The following NT5E variants were observed in gnomAD, a reference collection of about 807,000 sequenced individuals.
NT5E encodes the protein 5'-nucleotidase ecto.
NT5E carries 53 observed loss-of-function variants against 55.1 expected under a neutral mutation model. The ratio of observed to expected loss-of-function variants is 0.96; its 90% CI spans 0.77 to 1.21. The LOEUF (loss-of-function observed/expected upper bound fraction) is 1.21, where lower values mean the gene tolerates loss of function less well. Among genes scored for constraint, NT5E ranks in the 50% most tolerant of loss-of-function variants. The pLI is 0.00. For missense variants in NT5E, 683 were observed against 724.3 expected, an observed-to-expected ratio of 0.94 and a Z score of 0.65; for synonymous variants, 270 against 278.4, an observed-to-expected ratio of 0.97 and a Z score of 0.30.
intron 2 of NT5E, among the ~76,000 whole-genome samples, chr6:85,467,554 T>C (rs1164027205): frequency 1.3e-5 from 2 of 152,190 alleles, no homozygotes; most frequent in African/African-American, 4.8e-5. Flanking sequence ...GGAGACAATG[T>C]ATAGCCAGTG....
chr6:85,492,120 G>A lies in NT5E; in HGVS notation c.1504G>A (p.Ala502Thr), dbSNP rs746801584. The A allele has an allele frequency of 1.2e-6, 2 of 1,614,160 alleles. No individual in the cohort carries two copies. The highest frequency in any genetic ancestry group is 8.5e-7 in the Non-Finnish European group (1 of 1,180,012). Residue 502 changes from alanine to threonine, a missense_variant, in exon 8 of 9, where the codon GCC (alanine) becomes ACC (threonine). By Grantham distance (58) the Ala-to-Thr change is moderately conservative. Coordinates refer to ENST00000257770, the MANE Select transcript of NT5E (RefSeq NM_002526.4). The part of the protein sequence containing the change: ...VYKVILPNFL[A>T]NGGDGFQMIK... ...TAAGGTGATCCTCCCAAACTTCCTG[G>A]CCAATGGTGGAGATGGGTTCCAGAT...
chr6:85,451,004 A>G (rs1768846487), intron 1 of NT5E, among the ~76,000 whole-genome samples: 3 of 152,232 alleles, frequency 2.0e-5, no homozygotes, highest in Admixed American at 2.0e-4. Flanking sequence ...AGAGTAATTA[A>G]GCTCACAGCT....
Position 85,450,556 on chromosome 6 carries a change from A to C in NT5E, c.339+78A>C. 3 of 1,366,120 alleles carry C rather than the reference A, an allele frequency of 2.2e-6. No homozygotes were observed. 84.6% of individuals were successfully genotyped at this position (1,366,120 alleles called of 1,614,324 possible). On this transcript the variant is annotated intron_variant, in intron 1 of 8. Coordinates refer to ENST00000257770, the MANE Select transcript of NT5E (RefSeq NM_002526.4). The surrounding 1 kb of genome is among the most constrained non-coding windows in gnomAD (Gnocchi z 4.0). Reference sequence around the variant, plus strand: ...GGGCTGGAAAAGCAGCGGATGGCAGAGTGTGGCAAGCCTAGGTCCAGGGCG... The same window carrying C: ...GGGCTGGAAAAGCAGCGGATGGCAGCGTGTGGCAAGCCTAGGTCCAGGGCG...
chr6:85,466,972 C>A, intron 1 of NT5E, 88 bp from the exon 2 acceptor site: 2 of 1,245,834 alleles, frequency 1.6e-6, no homozygotes, highest in Non-Finnish European at 2.3e-6. Context: ...CAATATGTCT[C>A]ATAGAGCTTA....
At chr6:85,466,165 C>T (rs959605842) in intron 1 of NT5E, among the ~76,000 whole-genome samples, 7 of 152,074 alleles carry the variant, frequency 4.6e-5, no homozygotes, top group African/African-American at 1.7e-4. Flanking sequence ...TGGATTCCCT[C>T]CACTCCCCCC....
At chr6:85,457,368 G>A (rs572973350) in intron 1 of NT5E, among the ~76,000 whole-genome samples, 1 of 152,250 alleles carries the variant, frequency 6.6e-6, no homozygotes, top group African/African-American at 2.4e-5. Context: ...CTATAAAATG[G>A]GGGAATTGGA....
chr6:85,466,116 C>T (rs753187939), intron 1 of NT5E, among the ~76,000 whole-genome samples: 32 of 152,124 alleles, frequency 2.1e-4, no homozygotes, highest in Non-Finnish European at 4.0e-4. Context: ...TTCTGGGAAG[C>T]CAGCTGACAT....
chr6:85,484,880 T>C (rs1403754669), intron 3 of NT5E, among the ~76,000 whole-genome samples: 3 of 152,130 alleles, frequency 2.0e-5, no homozygotes, highest in Non-Finnish European at 4.4e-5. Flanking sequence ...AACTACAGTA[T>C]GGTAAAGTGG....
Position 85,467,107 on chromosome 6 carries a change from G to A in NT5E, c.387G>A (p.Glu129=), listed in dbSNP as rs148743555. The A allele has an allele frequency of 6.2e-7, 1 of 1,614,150 alleles. No individual in the cohort carries two copies. The highest frequency in any genetic ancestry group is 1.7e-5 in the Admixed American group (1 of 60,024). The change falls in exon 2 of 9, where the codon GAG becomes GAA. Residue 129 remains glutamate, a synonymous_variant. Coordinates refer to ENST00000257770, the MANE Select transcript of NT5E (RefSeq NM_002526.4). ...ATAATGGTGTGGAAGGACTGATCGA[G>A]CCACTCCTCAAAGAGGCCAAATTTC... ...EFDNGVEGLI[E]PLLKEAKFPI... is the part of the protein sequence containing the mutation.
In NT5E at chr6:85,450,324, C is replaced by T. The variant is rs1768828375; in HGVS notation, c.185C>T (p.Ala62Val). Residue 62 changes from alanine (A) to valine (V), a missense_variant, in exon 1 of 9, where the codon GCT (alanine) becomes GTT (valine). By Grantham distance (64) the Ala-to-Val change is moderately conservative. Coordinates refer to ENST00000257770, the MANE Select transcript of NT5E (RefSeq NM_002526.4). The surrounding 1 kb of genome is among the most constrained non-coding windows in gnomAD (Gnocchi z 4.0). ...GCCAGCCGCTGCATGGGTGGCGTGG[C>T]TCGGCTCTTCACCAAGGTTCAGCAG... Reference protein sequence around the residue: ...VNASRCMGGVARLFTKVQQIR... With the variant: ...VNASRCMGGVVRLFTKVQQIR... 2 of 1,600,202 alleles carry T rather than the reference C, an allele frequency of 1.2e-6. No homozygotes were observed. Among genetic ancestry groups the T allele is most frequent in the African/African-American group, 2.7e-5 (2 of 74,830 alleles).
chr6:85,483,691 AG>A (rs1275668798), intron 3 of NT5E, among the ~76,000 whole-genome samples: 1 of 152,170 alleles, frequency 6.6e-6, no homozygotes, highest in Non-Finnish European at 1.5e-5. Flanking sequence ...TTGAGCTGAA[AG>A]GGGGGCTGCT....
chr6:85,488,364 T>C (rs1368806731), intron 5 of NT5E, among the ~76,000 whole-genome samples: 4 of 152,148 alleles, frequency 2.6e-5, no homozygotes, highest in Non-Finnish European at 5.9e-5. Flanking sequence ...GCCGTGTAAA[T>C]GACAACAATC....
chr6:85,460,254 C>T (rs966291331), intron 1 of NT5E, among the ~76,000 whole-genome samples: 3 of 152,112 alleles, frequency 2.0e-5, no homozygotes, highest in Non-Finnish European at 4.4e-5. Flanking sequence ...AAAACTTGTC[C>T]CTAAGAAGAG....
At chr6:85,464,589 T>G (rs1332257696) in intron 1 of NT5E, among the ~76,000 whole-genome samples, 1 of 151,968 alleles carries the variant, frequency 6.6e-6, no homozygotes, top group Non-Finnish European at 1.5e-5. Flanking sequence ...CTGCTTAGGG[T>G]GTTTACTTCT....
chr6:85,492,079 A>G lies in NT5E; in HGVS notation c.1463A>G (p.Lys488Arg), dbSNP rs751905105. The change falls in exon 8 of 9, where the codon AAA (lysine) becomes AGA (arginine). Residue 488 changes from lysine (K) to arginine (R), a missense_variant. By Grantham distance (26) the Lys-to-Arg change is conservative. Coordinates refer to ENST00000257770, the MANE Select transcript of NT5E (RefSeq NM_002526.4). Reference sequence around the variant, plus strand: ...CGAGTGCCCAGTTATGACCCTCTCAAAATGGACGAGGTATATAAGGTGATC... The same window carrying G: ...CGAGTGCCCAGTTATGACCCTCTCAGAATGGACGAGGTATATAAGGTGATC... The part of the protein sequence containing the change: ...KCRVPSYDPL[K>R]MDEVYKVILP... 1.2e-6 allele frequency: 2 copies of G among 1,614,220 alleles called. No homozygotes were observed. Among genetic ancestry groups the G allele is most frequent in the Non-Finnish European group, 8.5e-7 (1 of 1,180,024 alleles).
chr6:85,480,970 C>G (rs1169333843), intron 3 of NT5E, among the ~76,000 whole-genome samples: 1 of 152,148 alleles, frequency 6.6e-6, no homozygotes, highest in Non-Finnish European at 1.5e-5. Flanking sequence ...TTCATTAGCT[C>G]CCACCCAGCT....
chr6:85,456,137 T>C (rs940783577), intron 1 of NT5E, among the ~76,000 whole-genome samples: 2 of 152,142 alleles, frequency 1.3e-5, no homozygotes, highest in Admixed American at 6.5e-5. Context: ...TAAACCTTCA[T>C]GAAGACCCCT....
Position 85,494,285 on chromosome 6 carries a change from C to G in NT5E, c.*281C>G, listed in dbSNP as rs781676532. The G allele has an allele frequency of 4.9e-6, 2 of 408,846 alleles. No homozygotes were observed. The highest frequency in any genetic ancestry group is 8.8e-6 in the Non-Finnish European group (2 of 228,518). The allele number at this position is 408,846 out of a possible 1,614,324, so 25.3% of individuals were successfully genotyped here. ...ATGAAATTTTACTAACAATTTTAAA[C>G]CATATTTTTCTTCTTCATATCCATT... On this transcript the variant is annotated 3_prime_UTR_variant, in exon 9 of 9. Coordinates refer to ENST00000257770, the MANE Select transcript of NT5E (RefSeq NM_002526.4).
In NT5E at chr6:85,492,553, TGAA is replaced by T. The variant is rs535131327; in HGVS notation, c.1561+381_1561+383del. The stretch of plus-strand genomic sequence containing the variant: ...ATTAAATCATTTAAATTTTCTTTCT[TGAA>T]GAAGTTTCTGTGTGAATCAGTCAGG... On this transcript the variant is annotated intron_variant, in intron 8 of 8. Transcript: ENST00000257770. Among the ~76,000 whole-genome samples, 256 of 152,316 alleles carry T rather than the reference TGAA, an allele frequency of 1.7e-3. 3 individuals carry two copies. The highest frequency in any genetic ancestry group is 5.9e-3 in the African/African-American group (245 of 41,572).
Sources: gnomAD v4.1 joint callset for allele counts (sites outside exome capture counted in the v4.1 genomes callset) on GRCh38, gnomAD v4.1.1 for gene constraint, Gnocchi (gnomAD v3.1) non-coding constraint, MANE v1.5 for transcripts, NCBI Gene and HGNC (gene_info 2026-07-23, HGNC 2026-07-21) for gene names.